SRRM4: variants seen among roughly 807,000 people sequenced by gnomAD.
SRRM4 encodes the protein serine/arginine repetitive matrix 4.
In SRRM4, 33 loss-of-function variants were observed where a neutral mutation model predicts 68.9. That is an observed-to-expected ratio of 0.48 (90% CI 0.36 to 0.64). The LOEUF (loss-of-function observed/expected upper bound fraction) is 0.64, where lower values mean the gene tolerates loss of function less well. Ranked by LOEUF, SRRM4 falls within the 30% of genes least tolerant of loss-of-function variation. SRRM4 has a pLI of 0.00. For missense variants in SRRM4, 817 were observed against 827.1 expected (o/e 0.99, Z 0.15); for synonymous variants, 318 against 318.8 (o/e 1.00, Z 0.03).
At position 119,151,172 on chromosome 12, in the gene SRRM4, G is replaced by A. The variant is rs749575114; in HGVS notation, c.1232G>A (p.Arg411Lys). 9.9e-6 allele frequency: 16 copies of A among 1,613,826 alleles called. No homozygotes were observed. The Admixed American group carries it at 1.2e-4, about 12-fold the overall frequency. ...CACTCGTCCCGATCCCCAAATCCCAGGGCTTCCCCCAGGTACACCCAAAGC... is the reference window on the plus strand; with the variant it reads ...CACTCGTCCCGATCCCCAAATCCCAAGGCTTCCCCCAGGTACACCCAAAGC... ...SSHSSRSPNP[R>K]ASPRYTQSRS... Residue 411 changes from arginine to lysine, a missense_variant, in exon 10 of 13, where the codon AGG (arginine) becomes AAG (lysine). Arg to Lys is a conservative substitution (Grantham distance 26, BLOSUM62 2). Transcript: ENST00000267260.
chr12:119,057,229 C>G (rs966619164), intron 1 of SRRM4, among the ~76,000 whole-genome samples: 1 of 152,080 alleles, frequency 6.6e-6, no homozygotes, highest in Non-Finnish European at 1.5e-5. Context: ...GCAGGATGCG[C>G]AGGTTTGTTA....
chr12:119,151,544 A>G (rs79200162), intron 10 of SRRM4, among the ~76,000 whole-genome samples: 2,445 of 152,308 alleles, frequency 0.016, 75 homozygotes, highest in African/African-American at 0.055. Context: ...ATGTGTATCA[A>G]TTAACTTCTG....
chr12:119,040,182 C>CTTTTATTTTA (rs57507061), intron 1 of SRRM4, among the ~76,000 whole-genome samples: 69 of 151,470 alleles, frequency 4.6e-4, no homozygotes, highest in East Asian at 9.7e-4. Flanking sequence ...TAGCAGCTAC[C>CTTTTATTTTA]TTTTATTTTA....
rs182204069 is a variant in SRRM4 at position 119,159,851 on chromosome 12, G to C, written c.*3053G>C. On this transcript the variant is annotated 3_prime_UTR_variant, in exon 13 of 13. Transcript: ENST00000267260. ...TCTATGATCTCTTGCTGTTTCATCAGGGGAAAGCACAAAGCTATTTCTGAA... is the reference window on the plus strand; with the variant it reads ...TCTATGATCTCTTGCTGTTTCATCACGGGAAAGCACAAAGCTATTTCTGAA... The C allele has an allele frequency of 6.6e-5, 10 of 151,152 alleles. No individual in the cohort carries two copies. In the East Asian group the frequency reaches 2.0e-3, roughly 30 times the overall value. 9.4% of individuals were successfully genotyped at this position (151,152 alleles called of 1,614,324 possible). A position where few individuals can be genotyped will look rare whatever the true frequency, so the allele number is the denominator to read the frequency against.
intron 12 of SRRM4, among the ~76,000 whole-genome samples, chr12:119,155,944 A>T (rs2032568212): frequency 6.6e-6 from 1 of 152,204 alleles, no homozygotes; most frequent in Non-Finnish European, 1.5e-5. Flanking sequence ...TAGTTTCTTT[A>T]GTCAATCTCA....
At chr12:119,038,297 C>T (rs943663627) in intron 1 of SRRM4, among the ~76,000 whole-genome samples, 6 of 152,028 alleles carry the variant, frequency 3.9e-5, no homozygotes, top group Admixed American at 2.6e-4. Context: ...CTGCAAGCTC[C>T]GCCTTCCGGG....
chr12:119,000,534 A>G (rs1365452321), intron 1 of SRRM4, among the ~76,000 whole-genome samples: 3 of 152,162 alleles, frequency 2.0e-5, no homozygotes, highest in South Asian at 2.1e-4. Flanking sequence ...CTTGGTCTCC[A>G]TTTAGGCAAG....
At chr12:119,077,823 C>A (rs994124006) in intron 1 of SRRM4, among the ~76,000 whole-genome samples, 1 of 152,140 alleles carries the variant, frequency 6.6e-6, no homozygotes, top group East Asian at 1.9e-4. Flanking sequence ...AGTGGTCCAA[C>A]AATTACCTTC....
intron 1 of SRRM4, among the ~76,000 whole-genome samples, chr12:119,067,719 A>G (rs1420593902): frequency 6.6e-6 from 1 of 152,096 alleles, no homozygotes; most frequent in Non-Finnish European, 1.5e-5. Context: ...AAAATAAATA[A>G]ATAAATAAAA....
chr12:119,014,391 C>T (rs960891530), intron 1 of SRRM4, among the ~76,000 whole-genome samples: 1 of 151,912 alleles, frequency 6.6e-6, no homozygotes, highest in Non-Finnish European at 1.5e-5. Flanking sequence ...CCGATCCCCA[C>T]CCCCCACCTC....
chr12:119,099,325 G>C (rs573331942), intron 1 of SRRM4, among the ~76,000 whole-genome samples: 63 of 152,208 alleles, frequency 4.1e-4, no homozygotes, highest in African/African-American at 6.3e-4. Flanking sequence ...GTAGAGAAAG[G>C]GTTCTGCCAT....
At chr12:119,084,278 C>T (rs1359728752) in intron 1 of SRRM4, among the ~76,000 whole-genome samples, 5 of 152,112 alleles carry the variant, frequency 3.3e-5, no homozygotes, top group East Asian at 3.9e-4. Context: ...TTCTATTGTC[C>T]TCTGCACCCT....
At chr12:118,985,288 G>A (rs1041474531) in intron 1 of SRRM4, among the ~76,000 whole-genome samples, 6 of 152,124 alleles carry the variant, frequency 3.9e-5, no homozygotes, top group Non-Finnish European at 7.4e-5. Flanking sequence ...TAGGGGGTTG[G>A]GGATAATAAA....
intron 2 of SRRM4, among the ~76,000 whole-genome samples, chr12:119,111,163 T>C (rs543734878): frequency 6.6e-6 from 1 of 152,216 alleles, no homozygotes; most frequent in Non-Finnish European, 1.5e-5. Flanking sequence ...CATCACTGTA[T>C]TTAGCCATGC....
chr12:118,984,463 A>T (rs1953270160), intron 1 of SRRM4, among the ~76,000 whole-genome samples: 1 of 152,172 alleles, frequency 6.6e-6, no homozygotes, highest in Non-Finnish European at 1.5e-5. Flanking sequence ...CACATGTAGC[A>T]GTCTGCAGGG....
chr12:119,138,344 G>A (rs1592913539), intron 8 of SRRM4, among the ~76,000 whole-genome samples: 2 of 152,284 alleles, frequency 1.3e-5, no homozygotes, highest in Admixed American at 1.3e-4. Context: ...TTGACCTGGG[G>A]TACTGAAGCA....
At chr12:119,111,957 A>G (rs1366986260) in intron 2 of SRRM4, among the ~76,000 whole-genome samples, 1 of 152,054 alleles carries the variant, frequency 6.6e-6, no homozygotes, top group Admixed American at 6.6e-5. Flanking sequence ...GAGGCAGGAG[A>G]ATCGCTTGAA....
In SRRM4 at chr12:119,035,277, C is replaced by T. The variant is rs866146891; in HGVS notation, c.131+53264C>T. On this transcript the variant is annotated intron_variant, in intron 1 of 12. Coordinates refer to ENST00000267260, the MANE Select transcript of SRRM4 (RefSeq NM_194286.4). ...AGAAATTTGGGGCCTGCCTAGTTTT[C>T]TGTTTCTTAGCAGTAGTAATTCTCC... 6.6e-5 allele frequency among the ~76,000 whole-genome samples: 10 copies of T among 152,266 alleles called. No homozygotes were observed. The South Asian group carries it at 2.1e-3, about 32-fold the overall frequency.
intron 1 of SRRM4, among the ~76,000 whole-genome samples, chr12:118,999,635 C>A (rs955538517): frequency 6.6e-6 from 1 of 152,170 alleles, no homozygotes; most frequent in African/African-American, 2.4e-5. Flanking sequence ...AGGCATTACA[C>A]TAAGCATTTC....
Sources: gnomAD v4.1 joint callset for allele counts (sites outside exome capture counted in the v4.1 genomes callset) on GRCh38, gnomAD v4.1.1 for gene constraint, MANE v1.5 for transcripts, NCBI Gene and HGNC (gene_info 2026-07-23, HGNC 2026-07-21) for gene names.